Variants in CRACD observed in about 807,000 individuals in gnomAD.
CRACD encodes capping protein-inhibiting regulator of actin dynamics.
A neutral mutation model predicts 106.8 loss-of-function variants in CRACD; 56 were observed. The ratio of observed to expected loss-of-function variants is 0.52; its 90% CI spans 0.42 to 0.66. CRACD has a LOEUF of 0.66. Among genes scored for constraint, CRACD ranks in the 30% least tolerant of loss-of-function variants. CRACD has a pLI of 0.00. For synonymous variants in CRACD, 754 were observed against 670.8 expected (o/e 1.12, Z -1.92); for missense variants, 1,730 against 1,623.2 (o/e 1.07, Z -1.13).
At chr4:56,092,359 G>T (rs9994190) in intron 1 of CRACD, among the ~76,000 whole-genome samples, 8,612 of 152,250 alleles carry the variant, frequency 0.057, 270 homozygotes, top group Middle Eastern at 0.085. Flanking sequence ...AGTCGGTGTG[G>T]TAGAGACCTG....
chr4:56,197,813 G>A (rs1457761783), intron 2 of CRACD, among the ~76,000 whole-genome samples: 1 of 152,050 alleles, frequency 6.6e-6, no homozygotes, highest in East Asian at 1.9e-4. Flanking sequence ...AAGTAGCTGG[G>A]ACTATAGGCA....
At chr4:56,323,592 G>T in intron 9 of CRACD, 25 bp downstream of exon 9, 1 of 1,512,090 alleles carries the variant, frequency 6.6e-7, no homozygotes. Flanking sequence ...CTTCAGCTGT[G>T]ATTTTGCTTT....
intron 1 of CRACD, among the ~76,000 whole-genome samples, chr4:56,086,455 G>A (rs1733223157): frequency 1.3e-5 from 2 of 152,078 alleles, no homozygotes. Context: ...CTTTCTGATA[G>A]TGTTGAATCC....
At chr4:56,228,734 A>T (rs999115745) in intron 2 of CRACD, among the ~76,000 whole-genome samples, 6 of 152,066 alleles carry the variant, frequency 3.9e-5, no homozygotes, top group Non-Finnish European at 8.8e-5. Context: ...ATTGAGGAGG[A>T]CCTGAAAAGC....
chr4:56,280,726 C>T (rs1004082989), intron 3 of CRACD, among the ~76,000 whole-genome samples: 2 of 152,164 alleles, frequency 1.3e-5, no homozygotes, highest in African/African-American at 4.8e-5. Flanking sequence ...AGTTTCCCAC[C>T]TTGGTAAAGA....
intron 2 of CRACD, among the ~76,000 whole-genome samples, chr4:56,250,692 G>T (rs756893941): frequency 2.6e-5 from 4 of 152,116 alleles, no homozygotes; most frequent in Non-Finnish European, 5.9e-5. Context: ...GTGTAACAAC[G>T]GGCAAATCAT....
intron 3 of CRACD, among the ~76,000 whole-genome samples, chr4:56,295,731 A>C: frequency 6.8e-6 from 1 of 146,924 alleles, no homozygotes. Context: ...CAAAAATACA[A>C]TGTAGAAATG....
In CRACD at chr4:56,180,946, G is replaced by A. The variant is rs112565807; in HGVS notation, c.-189+1516G>A. 5.3e-3 allele frequency among the ~76,000 whole-genome samples: 803 copies of A among 152,182 alleles called. 8 individuals are homozygous for A. Among genetic ancestry groups the A allele is most frequent in the African/African-American group, 0.018 (760 of 41,490 alleles). On this transcript the variant is annotated intron_variant, in intron 2 of 10. Coordinates refer to ENST00000682029, the MANE Select transcript of CRACD (RefSeq NM_001393381.1). ...ATTTTTTTCTAATTTTTTACAGTGA[G>A]CACATACGGCTTCTGTAATAATTAA...
intron 3 of CRACD, among the ~76,000 whole-genome samples, chr4:56,280,853 A>T (rs1743000844): frequency 6.6e-6 from 1 of 152,216 alleles, no homozygotes; most frequent in Admixed American, 6.5e-5. Context: ...CGTTGTTTGC[A>T]TTGATTCACC....
At chr4:56,154,179 T>C (rs1735685699) in intron 1 of CRACD, among the ~76,000 whole-genome samples, 1 of 152,038 alleles carries the variant, frequency 6.6e-6, no homozygotes, top group Non-Finnish European at 1.5e-5. Flanking sequence ...TTAAATATGA[T>C]TGTTGGCCGG....
At chr4:56,124,586 C>T (rs1190904634) in intron 1 of CRACD, among the ~76,000 whole-genome samples, 3 of 152,108 alleles carry the variant, frequency 2.0e-5, no homozygotes, top group African/African-American at 7.2e-5. Flanking sequence ...TCCAATTTTT[C>T]TATTTTATAG....
intron 2 of CRACD, among the ~76,000 whole-genome samples, chr4:56,253,773 T>C (rs2109594501): frequency 6.6e-6 from 1 of 152,332 alleles, no homozygotes; most frequent in Admixed American, 6.5e-5. Context: ...GTGGCTGTCT[T>C]TGAGGACTTT....
intron 2 of CRACD, among the ~76,000 whole-genome samples, chr4:56,271,569 A>G (rs1742347792): frequency 6.6e-6 from 1 of 151,782 alleles, no homozygotes. Flanking sequence ...AGATAAAAAT[A>G]TTAAAAAAAA....
At chr4:56,215,476 C>T (rs896729153) in intron 2 of CRACD, among the ~76,000 whole-genome samples, 1 of 152,222 alleles carries the variant, frequency 6.6e-6, no homozygotes, top group Non-Finnish European at 1.5e-5. Flanking sequence ...ATCCATTGCA[C>T]TTGTGCATAT....
intron 3 of CRACD, among the ~76,000 whole-genome samples, chr4:56,287,533 G>A (rs1232423078): frequency 2.0e-5 from 3 of 151,980 alleles, no homozygotes; most frequent in South Asian, 2.1e-4. Flanking sequence ...TGCCCACCTC[G>A]GCCTCCCACA....
chr4:56,156,518 C>T (rs558537302), intron 1 of CRACD, among the ~76,000 whole-genome samples: 1 of 152,322 alleles, frequency 6.6e-6, no homozygotes, highest in Non-Finnish European at 1.5e-5. Context: ...GCTTCAATAA[C>T]ATTTCATTTG....
rs566268025 is a variant in CRACD at position 56,242,929 on chromosome 4, G to A, written c.-188-29392G>A. 3.9e-5 allele frequency among the ~76,000 whole-genome samples: 6 copies of A among 152,298 alleles called. No homozygotes were observed. The East Asian group carries it at 1.2e-3, about 29-fold the overall frequency. On this transcript the variant is annotated intron_variant, in intron 2 of 10. Transcript: ENST00000682029. ...GAGCAGCCTGGCGCACCAGGTAAAG[G>A]TTAGAGGGATGCACCCCTAGAGCGC...
At chr4:56,237,536 A>G (rs1740048226) in intron 2 of CRACD, among the ~76,000 whole-genome samples, 1 of 152,010 alleles carries the variant, frequency 6.6e-6, no homozygotes, top group Non-Finnish European at 1.5e-5. Context: ...ACTTTTTTTG[A>G]CTACCTATTA....
In CRACD at chr4:56,316,297, C is replaced by G. The variant is rs1258286512; in HGVS notation, c.2795C>G (p.Ala932Gly). 1 of 1,613,988 alleles carries G rather than the reference C, an allele frequency of 6.2e-7. No homozygotes were observed. Among genetic ancestry groups the G allele is most frequent in the South Asian group, 1.1e-5 (1 of 91,086 alleles). Reference protein sequence around the residue: ...EPSSSRSVPVAHPGPPPASSQ... With the variant: ...EPSSSRSVPVGHPGPPPASSQ... ...TCCAGCAGCCGCTCTGTTCCTGTGG[C>G]CCACCCTGGGCCTCCACCGGCCAGC... The change falls in exon 8 of 11, where the codon GCC becomes GGC. Residue 932 changes from alanine (A) to glycine (G), a missense_variant. Around this residue, in one of 5 missense-constraint regions of CRACD, gnomAD observed 1,620 missense variants for 1,481.6 expected, o/e 1.09. Coordinates refer to ENST00000682029, the MANE Select transcript of CRACD (RefSeq NM_001393381.1).
Sources: gnomAD v4.1 joint callset for allele counts (sites outside exome capture counted in the v4.1 genomes callset) on GRCh38, gnomAD v4.1.1 for gene constraint, gnomAD v4.1.1 regional missense constraint, MANE v1.5 for transcripts, NCBI Gene and HGNC (gene_info 2026-07-23, HGNC 2026-07-21) for gene names.